The following GRID2 variants were observed in gnomAD, a reference collection of about 807,000 sequenced individuals.
The protein encoded by GRID2 is glutamate receptor ionotropic, delta-2.
A neutral mutation model predicts 114.8 loss-of-function variants in GRID2; 33 were observed. That is an observed-to-expected ratio of 0.29 (90% CI 0.22 to 0.38). GRID2 has a LOEUF of 0.38. Ranked by LOEUF, GRID2 falls within the 10% of genes least tolerant of loss-of-function variation. The probability of loss-of-function intolerance (pLI) is 1.00; values close to 1 mark genes in which losing one functional copy is unlikely to be tolerated. For missense variants in GRID2, 1,184 were observed against 1,257.7 expected (o/e 0.94, Z 0.89); for synonymous variants, 505 against 449.9 (o/e 1.12, Z -1.55).
intron 2 of GRID2, among the ~76,000 whole-genome samples, chr4:92,719,168 G>A (rs1735692160): frequency 6.6e-6 from 1 of 151,928 alleles, no homozygotes; most frequent in African/African-American, 2.4e-5. Context: ...TTGTATTTTA[G>A]TAGAGACAGG....
At chr4:92,867,739 T>G (rs1184793687) in intron 2 of GRID2, among the ~76,000 whole-genome samples, 2 of 152,192 alleles carry the variant, frequency 1.3e-5, no homozygotes, top group Non-Finnish European at 2.9e-5. Context: ...CTAGATTTGC[T>G]ATTGTCCTGT....
At chr4:93,435,605 C>T (rs1721007377) in intron 10 of GRID2, among the ~76,000 whole-genome samples, 1 of 152,218 alleles carries the variant, frequency 6.6e-6, no homozygotes, top group African/African-American at 2.4e-5. Context: ...TATTCTAAAG[C>T]TTTACAGGTA....
At chr4:92,988,631 G>T (rs1754654300) in intron 2 of GRID2, among the ~76,000 whole-genome samples, 1 of 152,016 alleles carries the variant, frequency 6.6e-6, no homozygotes, top group African/African-American at 2.4e-5. Context: ...ATTTTAACTG[G>T]ATTACCCAAT....
At chr4:93,054,542 T>C (rs572071355) in intron 2 of GRID2, among the ~76,000 whole-genome samples, 2 of 151,890 alleles carry the variant, frequency 1.3e-5, no homozygotes, top group South Asian at 4.1e-4. Flanking sequence ...GTGGTAAACT[T>C]TTCTATCCCA....
chr4:92,434,313 G>T (rs1732624534), intron 1 of GRID2, among the ~76,000 whole-genome samples: 1 of 152,210 alleles, frequency 6.6e-6, no homozygotes, highest in South Asian at 2.1e-4. Context: ...GAGTGTAACA[G>T]AGGCATTTCC....
intron 2 of GRID2, among the ~76,000 whole-genome samples, chr4:92,993,873 G>C (rs1411485002): frequency 6.6e-6 from 1 of 152,112 alleles, no homozygotes; most frequent in East Asian, 1.9e-4. Flanking sequence ...TATGATATAA[G>C]TCACATTTAT....
chr4:93,090,371 A>G (rs1340218679), intron 3 of GRID2, among the ~76,000 whole-genome samples: 1 of 152,158 alleles, frequency 6.6e-6, no homozygotes, highest in Admixed American at 6.6e-5. Flanking sequence ...AGAAGCATTA[A>G]TTTAGATACA....
intron 2 of GRID2, among the ~76,000 whole-genome samples, chr4:92,737,276 C>G (rs1736643194): frequency 6.6e-6 from 1 of 152,008 alleles, no homozygotes; most frequent in African/African-American, 2.4e-5. Context: ...ATCAGGAATA[C>G]TGAAGTGAAT....
intron 4 of GRID2, among the ~76,000 whole-genome samples, chr4:93,156,074 A>G (rs1398495629): frequency 6.6e-6 from 1 of 151,820 alleles, no homozygotes; most frequent in African/African-American, 2.4e-5. Flanking sequence ...TCAGAATATC[A>G]TATGTATCCC....
At chr4:93,547,439 T>C (rs185962488) in intron 13 of GRID2, among the ~76,000 whole-genome samples, 223 of 152,354 alleles carry the variant, frequency 1.5e-3, no homozygotes, top group African/African-American at 4.7e-3. Context: ...TTAAGTGATG[T>C]GCTTTCACCA....
chr4:93,327,880 A>C (rs1038407999), intron 8 of GRID2, among the ~76,000 whole-genome samples: 1 of 152,138 alleles, frequency 6.6e-6, no homozygotes, highest in Non-Finnish European at 1.5e-5. Flanking sequence ...TACCCCATAA[A>C]TTTATATAAA....
intron 8 of GRID2, among the ~76,000 whole-genome samples, chr4:93,374,482 A>C (rs908693710): frequency 6.6e-6 from 1 of 152,186 alleles, no homozygotes; most frequent in Non-Finnish European, 1.5e-5. Flanking sequence ...AAGTGCAGCC[A>C]GGTCAATACT....
At chr4:92,476,780 TGTA>T (rs1284029571) in intron 1 of GRID2, among the ~76,000 whole-genome samples, 4 of 152,160 alleles carry the variant, frequency 2.6e-5, no homozygotes, top group African/African-American at 9.7e-5. Flanking sequence ...TATCACAACA[TGTA>T]GTCAAATATG....
Position 93,177,233 on chromosome 4 carries a change from ACT to A in GRID2, c.736-30168_736-30167del, listed in dbSNP as rs1240891122. Among the ~76,000 whole-genome samples the A allele has an allele frequency of 2.0e-5, 3 of 149,646 alleles. No homozygotes were observed. In the South Asian group the frequency reaches 6.3e-4, roughly 31 times the overall value. On this transcript the variant is annotated intron_variant, in intron 4 of 15. Coordinates refer to ENST00000282020, the MANE Select transcript of GRID2 (RefSeq NM_001510.4). The stretch of plus-strand genomic sequence containing the variant: ...TGTATACAAATGAGGAATTGAAAAA[ACT>A]CTTTTTTTTTGCATTTTTAAAAAAT...
chr4:92,464,646 T>G (rs1392945708), intron 1 of GRID2, among the ~76,000 whole-genome samples: 2 of 151,952 alleles, frequency 1.3e-5, no homozygotes, highest in African/African-American at 2.4e-5. Flanking sequence ...ATTTAGAGAA[T>G]CAAAGACAAA....
At chr4:93,796,298 G>A (rs370346802) in intron 1 of GRID2, among the ~76,000 whole-genome samples, 10 of 152,060 alleles carry the variant, frequency 6.6e-5, no homozygotes, top group African/African-American at 1.9e-4. Flanking sequence ...TTCCCTACAC[G>A]CAAAGAAGGA....
rs573631889 is a variant in GRID2 at position 93,431,086 on chromosome 4, G to A, written c.1545+8118G>A. The stretch of plus-strand genomic sequence containing the variant: ...GGATAAACAGAATTTATTGGCTAAA[G>A]TGAGGAGAAGGGAGAAGTCTGGAAT... On this transcript the variant is annotated intron_variant, in intron 10 of 15. Transcript: ENST00000282020. Among the ~76,000 whole-genome samples the A allele has an allele frequency of 1.8e-4, 27 of 152,320 alleles. No individual in the cohort carries two copies. In the South Asian group the frequency reaches 5.4e-3, roughly 30 times the overall value.
intron 14 of GRID2, among the ~76,000 whole-genome samples, chr4:93,633,636 T>C (rs1721147120): frequency 6.6e-6 from 1 of 152,144 alleles, no homozygotes; most frequent in Non-Finnish European, 1.5e-5. Context: ...TCTTCCTTCT[T>C]ATCATAATTA....
intron 7 of GRID2, among the ~76,000 whole-genome samples, chr4:93,231,402 A>C (rs1311417106): frequency 6.6e-6 from 1 of 151,702 alleles, no homozygotes; most frequent in Non-Finnish European, 1.5e-5. Flanking sequence ...AAAAAAAAAA[A>C]AAAAGAAATT....
Sources: gnomAD v4.1 joint callset for allele counts (sites outside exome capture counted in the v4.1 genomes callset) on GRCh38, gnomAD v4.1.1 for gene constraint, MANE v1.5 for transcripts, NCBI Gene and HGNC (gene_info 2026-07-23, HGNC 2026-07-21) for gene names.